Variants in ASCC1 observed in about 807,000 individuals in gnomAD.
The protein encoded by ASCC1 is activating signal cointegrator 1 complex subunit 1.
Under a neutral mutation model 46.6 loss-of-function variants are expected in ASCC1, and 35 were observed. The observed-to-expected ratio is 0.75, with a 90% CI of 0.57 to 0.99. The LOEUF is 0.99. ASCC1 is among the 50% of genes least tolerant of loss of function. ASCC1 has a pLI of 0.00. For synonymous variants in ASCC1, 143 were observed against 146.6 expected, an observed-to-expected ratio of 0.98 and a Z score of 0.18; for missense variants, 376 against 428.7, an observed-to-expected ratio of 0.88 and a Z score of 1.09.
chr10:72,169,512 T>C (rs1400769584), intron 5 of ASCC1, among the ~76,000 whole-genome samples: 5 of 151,884 alleles, frequency 3.3e-5, no homozygotes, highest in Non-Finnish European at 5.9e-5. Flanking sequence ...TAAGAAAACA[T>C]ACATTAATAT....
chr10:72,190,126 T>C (rs1447122069), intron 5 of ASCC1: 5 of 760,628 alleles, frequency 6.6e-6, no homozygotes, highest in East Asian at 2.4e-5. Flanking sequence ...ACATTATATA[T>C]AGGATTCATG....
At chr10:72,209,421 G>A (rs1245264769) in intron 3 of ASCC1, among the ~76,000 whole-genome samples, 1 of 152,154 alleles carries the variant, frequency 6.6e-6, no homozygotes, top group Non-Finnish European at 1.5e-5. Flanking sequence ...AGTCAAGGCT[G>A]CAGTGAGCCA....
intron 5 of ASCC1, among the ~76,000 whole-genome samples, chr10:72,189,635 T>C (rs1432203508): frequency 1.3e-5 from 2 of 151,498 alleles, no homozygotes; most frequent in African/African-American, 4.9e-5. Flanking sequence ...AAACCCCATC[T>C]CTATTAAAAC....
At chr10:72,143,046 A>G (rs569651186) in intron 7 of ASCC1, among the ~76,000 whole-genome samples, 1 of 151,924 alleles carries the variant, frequency 6.6e-6, no homozygotes, top group South Asian at 2.1e-4. Flanking sequence ...CTGTAGTCCC[A>G]GCTACTCGTG....
chr10:72,177,181 G>T (rs915977451), intron 5 of ASCC1, among the ~76,000 whole-genome samples: 7 of 152,004 alleles, frequency 4.6e-5, no homozygotes, highest in Non-Finnish European at 2.9e-5. Context: ...TATCTCCACC[G>T]AAATGGGACA....
chr10:72,154,595 A>G (rs7903025), intron 6 of ASCC1, among the ~76,000 whole-genome samples: 81,741 of 151,346 alleles, frequency 0.54, 24,055 homozygotes, highest in African/African-American at 0.78. Context: ...AGGTTCAAGC[A>G]ATTCTTGTGC....
At chr10:72,109,854 C>T (rs1589187238) in intron 9 of ASCC1, among the ~76,000 whole-genome samples, 1 of 152,206 alleles carries the variant, frequency 6.6e-6, no homozygotes, top group African/African-American at 2.4e-5. Flanking sequence ...GGCTGGAGAA[C>T]CCACACCTAA....
At chr10:72,110,563 T>C (rs1842815441) in intron 9 of ASCC1, among the ~76,000 whole-genome samples, 1 of 151,816 alleles carries the variant, frequency 6.6e-6, no homozygotes, top group Non-Finnish European at 1.5e-5. Context: ...CCGAGGTGGG[T>C]GGATCATGAG....
chr10:72,131,788 A>C (rs1845636320), intron 8 of ASCC1, among the ~76,000 whole-genome samples: 1 of 152,198 alleles, frequency 6.6e-6, no homozygotes, highest in Admixed American at 6.5e-5. Context: ...CCTTAACTAA[A>C]AGGGACACAC....
At chr10:72,116,900 C>A (rs1040682498) in intron 9 of ASCC1, among the ~76,000 whole-genome samples, 3 of 152,168 alleles carry the variant, frequency 2.0e-5, no homozygotes, top group African/African-American at 7.2e-5. Context: ...CAAGACCAGT[C>A]TGGGCAACAC....
Position 72,096,189 on chromosome 10 carries a change from G to A in ASCC1, c.*1145C>T. 1 of 454,158 alleles carries A rather than the reference G, an allele frequency of 2.2e-6. No individual in the cohort carries two copies. Among genetic ancestry groups the A allele is most frequent in the South Asian group, 1.6e-5 (1 of 64,474 alleles). The allele number at this position is 454,158 out of a possible 1,614,324, so 28.1% of individuals were successfully genotyped here. A position where few individuals can be genotyped will look rare whatever the true frequency, so the allele number is the denominator to read the frequency against. The stretch of plus-strand genomic sequence containing the variant: ...GAATCAAGGCAAGAATAAGGAAGGA[G>A]AAGAAGGAGAGGACATGGAGGGAGG... On this transcript the variant is annotated 3_prime_UTR_variant, in exon 10 of 10. Transcript: ENST00000672957.
intron 6 of ASCC1, among the ~76,000 whole-genome samples, chr10:72,155,732 T>C (rs1848879974): frequency 2.0e-5 from 3 of 152,218 alleles, no homozygotes; most frequent in Admixed American, 2.0e-4. Flanking sequence ...GTTTTCTTCC[T>C]GGACCCCTTA....
chr10:72,181,249 C>A (rs544038934), intron 5 of ASCC1, among the ~76,000 whole-genome samples: 1 of 152,230 alleles, frequency 6.6e-6, no homozygotes, highest in Admixed American at 6.5e-5. Flanking sequence ...CAGGTGTGAG[C>A]CACCGCGCCC....
intron 7 of ASCC1, among the ~76,000 whole-genome samples, chr10:72,138,600 CTTTTTTTTTTTTT>C (rs1011535460): frequency 5.7e-5 from 6 of 104,542 alleles, no homozygotes; most frequent in South Asian, 3.0e-4. Context: ...TTCTTTCTTT[CTTTTTTTTTTTTT>C]TTTTTTTTTT....
At chr10:72,139,772 C>T (rs1846743034) in intron 7 of ASCC1, among the ~76,000 whole-genome samples, 1 of 152,174 alleles carries the variant, frequency 6.6e-6, no homozygotes, top group Non-Finnish European at 1.5e-5. Flanking sequence ...GCTTTCCCTC[C>T]CAATTTAATT....
chr10:72,152,048 G>A (rs1337350527), intron 7 of ASCC1, among the ~76,000 whole-genome samples: 1 of 147,690 alleles, frequency 6.8e-6, no homozygotes, highest in Non-Finnish European at 1.5e-5. Flanking sequence ...CTGGAGTGCA[G>A]TGGTGTGATC....
At chr10:72,182,224 C>T (rs1402533593) in intron 5 of ASCC1, among the ~76,000 whole-genome samples, 2 of 152,160 alleles carry the variant, frequency 1.3e-5, no homozygotes, top group Admixed American at 1.3e-4. Context: ...AGGAACCAAA[C>T]ATACACCTAA....
chr10:72,159,709 T>G (rs189600455), intron 6 of ASCC1, among the ~76,000 whole-genome samples: 2 of 152,198 alleles, frequency 1.3e-5, no homozygotes, highest in African/African-American at 4.8e-5. Context: ...TCAGGTAAGA[T>G]CTAGAGAAAA....
At chr10:72,190,190 C>T (rs369283164) in intron 5 of ASCC1, 10 of 763,916 alleles carry the variant, frequency 1.3e-5, no homozygotes, top group South Asian at 6.7e-5. Flanking sequence ...TTACGGCAAG[C>T]CTGTCCATCA....
Sources: gnomAD v4.1 joint callset for allele counts (sites outside exome capture counted in the v4.1 genomes callset) on GRCh38, gnomAD v4.1.1 for gene constraint, MANE v1.5 for transcripts, NCBI Gene and HGNC (gene_info 2026-07-23, HGNC 2026-07-21) for gene names.